KCNMA1: variants seen among roughly 807,000 people sequenced by gnomAD.
KCNMA1 encodes potassium calcium-activated channel subfamily M alpha 1, also known as Calcium-activated potassium channel subunit alpha-1.
A neutral mutation model predicts 140.0 loss-of-function variants in KCNMA1; 29 were observed. The ratio of observed to expected loss-of-function variants is 0.21; its 90% CI spans 0.15 to 0.28. KCNMA1 has a LOEUF of 0.28. Among genes scored for constraint, KCNMA1 ranks in the 10% least tolerant of loss-of-function variants. The pLI is 1.00. For missense variants in KCNMA1, 880 were observed against 1,602.2 expected (o/e 0.55, Z 7.70); for synonymous variants, 612 against 611.9 (o/e 1.00, Z 0.00).
At chr10:77,376,846 G>T (rs755697992) in intron 2 of KCNMA1, among the ~76,000 whole-genome samples, 3 of 152,082 alleles carry the variant, frequency 2.0e-5, no homozygotes, top group Non-Finnish European at 4.4e-5. Context: ...GCTGAGGTGG[G>T]AGAATCACTT....
At chr10:77,319,765 G>A (rs555401164) in intron 2 of KCNMA1, among the ~76,000 whole-genome samples, 6 of 152,332 alleles carry the variant, frequency 3.9e-5, no homozygotes, top group South Asian at 2.1e-4. Context: ...CTGCCAAGAC[G>A]GTGCTGGAAG....
intron 2 of KCNMA1, among the ~76,000 whole-genome samples, chr10:77,293,649 C>A (rs1371619140): frequency 1.3e-5 from 2 of 152,216 alleles, no homozygotes; most frequent in Admixed American, 1.3e-4. Flanking sequence ...GAACCTCCAA[C>A]CTTCCCCTTG....
intron 1 of KCNMA1, among the ~76,000 whole-genome samples, chr10:77,580,240 G>T (rs1011610839): frequency 3.3e-5 from 5 of 151,972 alleles, no homozygotes; most frequent in Non-Finnish European, 7.4e-5. Flanking sequence ...AATTAGCCGG[G>T]CGTGGTGGCG....
chr10:77,547,671 T>C (rs2061753286), intron 1 of KCNMA1, among the ~76,000 whole-genome samples: 1 of 152,210 alleles, frequency 6.6e-6, no homozygotes, highest in Non-Finnish European at 1.5e-5. Context: ...AATATTCTCT[T>C]AAAAAGGTTT....
At chr10:77,107,129 TG>T (rs2097212774) in intron 9 of KCNMA1, among the ~76,000 whole-genome samples, 1 of 152,150 alleles carries the variant, frequency 6.6e-6, no homozygotes, top group South Asian at 2.1e-4. Context: ...CCCACACGGC[TG>T]ACTGTCAAAA....
chr10:77,113,875 A>G (rs2097385071), intron 6 of KCNMA1, among the ~76,000 whole-genome samples: 1 of 152,222 alleles, frequency 6.6e-6, no homozygotes, highest in Non-Finnish European at 1.5e-5. Flanking sequence ...GCTAAAATCT[A>G]CATATTTAAC....
Position 76,885,451 on chromosome 10 carries a change from C to T in KCNMA1, c.*1815G>A, listed in dbSNP as rs2151630927. 5.1e-6 allele frequency: 5 copies of T among 985,170 alleles called. No homozygotes were observed. The highest frequency in any genetic ancestry group is 6.0e-6 in the Non-Finnish European group (5 of 829,884). 61.0% of individuals were successfully genotyped at this position (985,170 alleles called of 1,614,324 possible). The stretch of plus-strand genomic sequence containing the variant: ...GGGGAGGGTGGAGGTTCTGACTGAG[C>T]CTCACCATTTGTCAGTAAAAGTGCT... On this transcript the variant is annotated 3_prime_UTR_variant, in exon 28 of 28. Transcript: ENST00000286628.
intron 3 of KCNMA1, among the ~76,000 whole-genome samples, chr10:77,216,776 A>G (rs909832831): frequency 1.3e-5 from 2 of 152,196 alleles, no homozygotes; most frequent in Non-Finnish European, 2.9e-5. Context: ...TAAGCTGGAT[A>G]TTGGCTTTAT....
At chr10:77,412,480 G>T (rs911066380) in intron 1 of KCNMA1, among the ~76,000 whole-genome samples, 10 of 152,296 alleles carry the variant, frequency 6.6e-5, no homozygotes, top group Admixed American at 3.9e-4. Flanking sequence ...CCTACCAAAG[G>T]GTGGGGGCAG....
In KCNMA1 at chr10:77,404,040, C is replaced by T. The variant is rs758487253; in HGVS notation, c.379-17G>A. 11 of 1,613,208 alleles carry T rather than the reference C, an allele frequency of 6.8e-6. No homozygotes were observed. In the South Asian group the frequency reaches 9.9e-5, roughly 14 times the overall value. On this transcript the variant is annotated splice_polypyrimidine_tract_variant and intron_variant, in intron 1 of 27. Coordinates refer to ENST00000286628, the MANE Select transcript of KCNMA1 (RefSeq NM_001161352.2). ...CTGGGCCTCCTGGCAACAGAGAGAG[C>T]AAGAGTTAAGACATAGGGAACAATG...
intron 1 of KCNMA1, among the ~76,000 whole-genome samples, chr10:77,469,815 C>A (rs1401708365): frequency 6.6e-6 from 1 of 152,104 alleles, no homozygotes; most frequent in Admixed American, 6.5e-5. Context: ...ATGGATCTTC[C>A]GGCTGATGGC....
intron 1 of KCNMA1, among the ~76,000 whole-genome samples, chr10:77,419,000 C>T (rs147423947): frequency 1.6e-3 from 236 of 152,236 alleles, no homozygotes; most frequent in African/African-American, 4.9e-3. Flanking sequence ...ATGTCAGTAA[C>T]CTGAATGCCA....
At chr10:77,492,339 C>T (rs904102683) in intron 1 of KCNMA1, among the ~76,000 whole-genome samples, 5 of 152,268 alleles carry the variant, frequency 3.3e-5, no homozygotes, top group African/African-American at 9.6e-5. Flanking sequence ...GATCTGCATG[C>T]TCTGATTCCC....
intron 3 of KCNMA1, among the ~76,000 whole-genome samples, chr10:77,187,380 T>C (rs1360518775): frequency 6.6e-6 from 1 of 152,190 alleles, no homozygotes; most frequent in Non-Finnish European, 1.5e-5. Context: ...GTGAGAGGGC[T>C]TGAAGCTAGA....
intron 1 of KCNMA1, among the ~76,000 whole-genome samples, chr10:77,439,164 A>G (rs11594513): frequency 0.09 from 10,542 of 116,634 alleles, 431 homozygotes; most frequent in Middle Eastern, 0.12. Context: ...GAAGAGAAGA[A>G]AAGAAAAGAG....
chr10:77,060,332 AC>A (rs1350410122), intron 14 of KCNMA1, among the ~76,000 whole-genome samples: 1 of 152,204 alleles, frequency 6.6e-6, no homozygotes, highest in Non-Finnish European at 1.5e-5. Flanking sequence ...TTGTTCCTAG[AC>A]CTTGAAGCTC....
chr10:77,355,362 T>C lies in KCNMA1; in HGVS notation c.540+48500A>G, dbSNP rs545169257. On this transcript the variant is annotated intron_variant, in intron 2 of 27. Transcript: ENST00000286628. ...CTGCAAAATTCCATTTGGGGATCCA[T>C]GTGGCTTCAGGGAAATCAACTTTAT... is the stretch of plus-strand genomic sequence containing the variant. 7.9e-4 allele frequency: 121 copies of C among 153,692 alleles called. 2 individuals are homozygous for C. The highest frequency in any genetic ancestry group is 6.7e-4 in the Non-Finnish European group (46 of 69,110). 9.5% of individuals were successfully genotyped at this position (153,692 alleles called of 1,614,324 possible).
chr10:77,345,127 T>C (rs2091891161), intron 2 of KCNMA1, among the ~76,000 whole-genome samples: 1 of 152,184 alleles, frequency 6.6e-6, no homozygotes, highest in Non-Finnish European at 1.5e-5. Context: ...GGTATAAATA[T>C]TTAAGAAATA....
chr10:77,595,189 A>G (rs898821810), intron 1 of KCNMA1, among the ~76,000 whole-genome samples: 1 of 152,056 alleles, frequency 6.6e-6, no homozygotes, highest in Admixed American at 6.5e-5. Context: ...CTACTAAAAA[A>G]TCCAAAAATT....
Sources: gnomAD v4.1 joint callset for allele counts (sites outside exome capture counted in the v4.1 genomes callset) on GRCh38, gnomAD v4.1.1 for gene constraint, MANE v1.5 for transcripts, NCBI Gene and HGNC (gene_info 2026-07-23, HGNC 2026-07-21) for gene names.